BANK1: variants seen among roughly 807,000 people sequenced by gnomAD.
BANK1 encodes the protein B cell scaffold protein with ankyrin repeats 1.
Under a neutral mutation model 94.5 loss-of-function variants are expected in BANK1, and 95 were observed. The ratio of observed to expected loss-of-function variants is 1.00; its 90% confidence interval spans 0.85 to 1.19. The LOEUF is 1.19. Among genes scored for constraint, BANK1 ranks in the 50% most tolerant of loss-of-function variants. BANK1 has a pLI of 0.00. For synonymous variants in BANK1, 334 were observed against 308.4 expected (o/e 1.08, Z -0.87); for missense variants, 987 against 932.2 (o/e 1.06, Z -0.77).
At position 102,074,415 on chromosome 4, in the gene BANK1, A is replaced by G. The variant is rs556931237; in HGVS notation, c.*416A>G. On this transcript the variant is annotated 3_prime_UTR_variant, in exon 17 of 17. Coordinates refer to ENST00000322953, the MANE Select transcript of BANK1 (RefSeq NM_017935.5). Reference sequence around the variant, plus strand: ...TAACCATGAAAATACAAATTTACTTAGCACATTTTTGCTTTTTAAGTAGCT... The same window carrying G: ...TAACCATGAAAATACAAATTTACTTGGCACATTTTTGCTTTTTAAGTAGCT... 6.6e-6 allele frequency: 1 copy of G among 152,222 alleles called. No individual in the cohort carries two copies. Among genetic ancestry groups the G allele is most frequent in the South Asian group, 2.1e-4 (1 of 4,826 alleles). The allele number at this position is 152,222 out of a possible 1,614,324, so 9.4% of individuals were successfully genotyped here.
chr4:101,939,470 CAG>C (rs144535720), intron 7 of BANK1, among the ~76,000 whole-genome samples: 1 of 151,766 alleles, frequency 6.6e-6, no homozygotes, highest in African/African-American at 2.4e-5. Flanking sequence ...CAAAATAACT[CAG>C]AAACTTGGAC....
At chr4:102,014,984 TCTGA>T (rs1323439078) in intron 7 of BANK1, among the ~76,000 whole-genome samples, 8 of 151,906 alleles carry the variant, frequency 5.3e-5, no homozygotes, top group Admixed American at 1.3e-4. Flanking sequence ...ATGTCATCTT[TCTGA>T]CTATCTCTGA....
intron 7 of BANK1, among the ~76,000 whole-genome samples, chr4:101,950,060 T>TGTGCGCGCGCGC (rs369393040): frequency 7.2e-6 from 1 of 139,404 alleles, no homozygotes; most frequent in Admixed American, 6.9e-5. Flanking sequence ...TGTGTGTGTG[T>TGTGCGCGCGCGC]GCGCGTGCGC....
At chr4:101,990,496 G>A (rs1427130329) in intron 7 of BANK1, among the ~76,000 whole-genome samples, 2 of 152,156 alleles carry the variant, frequency 1.3e-5, no homozygotes, top group South Asian at 2.1e-4. Flanking sequence ...CACAGAACAA[G>A]CATTGTCATT....
chr4:101,967,085 C>T (rs568687828), intron 7 of BANK1, among the ~76,000 whole-genome samples: 144 of 152,134 alleles, frequency 9.5e-4, no homozygotes, highest in Non-Finnish European at 1.6e-3. Context: ...CAAGGTAATA[C>T]GCGTACTGCT....
At chr4:102,031,608 A>G (rs1292928720) in intron 10 of BANK1, among the ~76,000 whole-genome samples, 1 of 152,206 alleles carries the variant, frequency 6.6e-6, no homozygotes, top group Non-Finnish European at 1.5e-5. Context: ...ATTAAAAAGG[A>G]TAATGACAAG....
chr4:101,928,012 G>A (rs1723220018), intron 7 of BANK1, among the ~76,000 whole-genome samples: 1 of 151,644 alleles, frequency 6.6e-6, no homozygotes, highest in South Asian at 2.1e-4. Context: ...AACTAAGATA[G>A]GACAGATAAT....
At chr4:101,859,722 A>G (rs1727800394) in intron 3 of BANK1, among the ~76,000 whole-genome samples, 1 of 152,196 alleles carries the variant, frequency 6.6e-6, no homozygotes, top group Non-Finnish European at 1.5e-5. Flanking sequence ...AGCATGCTCA[A>G]TGTTAAAGTG....
chr4:101,791,017 G>A (rs895411969), intron 1 of BANK1, 67 bp downstream of exon 1: 1 of 1,309,856 alleles, frequency 7.6e-7, no homozygotes, highest in South Asian at 1.5e-5. Flanking sequence ...CGGAGACCAC[G>A]GGCCATCGTT....
chr4:102,035,386 C>T (rs981405175), intron 10 of BANK1, among the ~76,000 whole-genome samples: 5 of 152,004 alleles, frequency 3.3e-5, no homozygotes, highest in Admixed American at 1.3e-4. Context: ...CGGTGGCTCA[C>T]GCCTGTAATC....
intron 5 of BANK1, among the ~76,000 whole-genome samples, chr4:101,894,589 A>G (rs1436389722): frequency 1.3e-5 from 2 of 151,936 alleles, no homozygotes; most frequent in African/African-American, 4.8e-5. Flanking sequence ...TCTTCATCCC[A>G]TGACTTTGTT....
chr4:102,021,643 C>T, intron 8 of BANK1, 51 bp downstream of exon 8: 14 of 713,148 alleles, frequency 2.0e-5, no homozygotes, highest in East Asian at 3.5e-5. Context: ...ATATATATCA[C>T]ATATATATGT....
intron 7 of BANK1, among the ~76,000 whole-genome samples, chr4:101,977,379 C>G (rs1725173112): frequency 6.6e-6 from 1 of 152,112 alleles, no homozygotes; most frequent in Non-Finnish European, 1.5e-5. Context: ...TTATGATGTG[C>G]CCAAAAGAGG....
chr4:101,974,718 A>T (rs781391144), intron 7 of BANK1, among the ~76,000 whole-genome samples: 3 of 151,994 alleles, frequency 2.0e-5, no homozygotes, highest in Non-Finnish European at 2.9e-5. Context: ...TCTTGAGAAC[A>T]TAGCTCTATA....
At chr4:101,900,384 G>A (rs185811406) in intron 6 of BANK1, among the ~76,000 whole-genome samples, 24 of 152,304 alleles carry the variant, frequency 1.6e-4, no homozygotes, top group Admixed American at 1.4e-3. Flanking sequence ...TTTACACATC[G>A]CTTAATATCA....
At chr4:101,963,357 T>C (rs1724637285) in intron 7 of BANK1, among the ~76,000 whole-genome samples, 1 of 152,178 alleles carries the variant, frequency 6.6e-6, no homozygotes, top group Admixed American at 6.5e-5. Flanking sequence ...CATTACAAAA[T>C]GAAATCTCTC....
intron 1 of BANK1, among the ~76,000 whole-genome samples, chr4:101,806,840 T>C (rs1464499864): frequency 6.6e-6 from 1 of 152,210 alleles, no homozygotes; most frequent in Non-Finnish European, 1.5e-5. Context: ...CTGTGCTCAA[T>C]TCAGGGGATA....
chr4:101,956,468 G>A (rs1393106307), intron 7 of BANK1, among the ~76,000 whole-genome samples: 4 of 152,024 alleles, frequency 2.6e-5, no homozygotes, highest in Non-Finnish European at 5.9e-5. Flanking sequence ...AAAGATCCTC[G>A]CTCATCCAAA....
At position 102,058,291 on chromosome 4, in the gene BANK1, A is replaced by T. The variant is rs572691414; in HGVS notation, c.1970-1920A>T. Reference sequence around the variant, plus strand: ...TATGACCAATATTTGATCAAATGTAAATACTTGTAAAGAGAAATTTTTTAA... The same window carrying T: ...TATGACCAATATTTGATCAAATGTATATACTTGTAAAGAGAAATTTTTTAA... On this transcript the variant is annotated intron_variant, in intron 11 of 16. Coordinates refer to ENST00000322953, the MANE Select transcript of BANK1 (RefSeq NM_017935.5). Among the ~76,000 whole-genome samples, 16 of 152,248 alleles carry T rather than the reference A, an allele frequency of 1.1e-4. No homozygotes were observed. The South Asian group carries it at 3.1e-3, about 30-fold the overall frequency.
Sources: gnomAD v4.1 joint callset for allele counts (sites outside exome capture counted in the v4.1 genomes callset) on GRCh38, gnomAD v4.1.1 for gene constraint, MANE v1.5 for transcripts, NCBI Gene and HGNC (gene_info 2026-07-23, HGNC 2026-07-21) for gene names.